Variants in ROBO2 observed in about 807,000 individuals in gnomAD.
The protein encoded by ROBO2 is roundabout homolog 2.
Under a neutral mutation model 160.8 loss-of-function variants are expected in ROBO2, and 53 were observed. That is an observed-to-expected ratio of 0.33 (90% confidence interval 0.26 to 0.41). ROBO2 has a LOEUF of 0.41. Among genes scored for constraint, ROBO2 ranks in the 10% least tolerant of loss-of-function variants. The probability of loss-of-function intolerance (pLI) is 1.00; values close to 1 mark genes in which losing one functional copy is unlikely to be tolerated. For synonymous variants in ROBO2, 664 were observed against 611.7 expected (o/e 1.09, Z -1.26); for missense variants, 1,577 against 1,722.4 (o/e 0.92, Z 1.49).
chr3:76,387,688 C>T (rs765659480), intron 2 of ROBO2, among the ~76,000 whole-genome samples: 1 of 152,038 alleles, frequency 6.6e-6, no homozygotes. Context: ...AAAAATTAAG[C>T]AACTTGTTTA....
chr3:76,495,137 A>G (rs1217040424), intron 2 of ROBO2, among the ~76,000 whole-genome samples: 1 of 152,054 alleles, frequency 6.6e-6, no homozygotes, highest in Non-Finnish European at 1.5e-5. Flanking sequence ...AGACAAATAT[A>G]GCCTATGGAA....
At chr3:76,363,439 T>G (rs1178042038) in intron 2 of ROBO2, among the ~76,000 whole-genome samples, 1 of 152,114 alleles carries the variant, frequency 6.6e-6, no homozygotes, top group Non-Finnish European at 1.5e-5. Context: ...TTTATTCTCT[T>G]ATCTAAAGGA....
chr3:76,505,362 C>T (rs909426631), intron 2 of ROBO2, among the ~76,000 whole-genome samples: 1 of 102,744 alleles, frequency 9.7e-6, no homozygotes, highest in Admixed American at 1.1e-4. Context: ...AAAGATAGTT[C>T]AGCATTTAAA....
chr3:76,147,064 A>G (rs530482811), intron 2 of ROBO2, among the ~76,000 whole-genome samples: 62 of 151,582 alleles, frequency 4.1e-4, no homozygotes, highest in African/African-American at 1.4e-3. Flanking sequence ...GCAAACCCCA[A>G]TGACATAAGT....
intron 2 of ROBO2, among the ~76,000 whole-genome samples, chr3:77,330,930 G>A (rs2065907073): frequency 6.6e-6 from 1 of 152,078 alleles, no homozygotes; most frequent in African/African-American, 2.4e-5. Context: ...CTCAGTATTT[G>A]ATTGACTTGA....
At chr3:77,115,121 A>G (rs2074070009) in intron 2 of ROBO2, among the ~76,000 whole-genome samples, 1 of 152,170 alleles carries the variant, frequency 6.6e-6, no homozygotes, top group Non-Finnish European at 1.5e-5. Flanking sequence ...AGAAATAAAC[A>G]CCACTTCTTC....
At chr3:77,546,920 C>A (rs1346774298) in intron 7 of ROBO2, among the ~76,000 whole-genome samples, 1 of 152,102 alleles carries the variant, frequency 6.6e-6, no homozygotes, top group Non-Finnish European at 1.5e-5. Flanking sequence ...GCATAAATGA[C>A]TTTTCTTACC....
intron 11 of ROBO2, among the ~76,000 whole-genome samples, chr3:77,564,016 A>G (rs2093410601): frequency 6.6e-6 from 1 of 152,090 alleles, no homozygotes; most frequent in Non-Finnish European, 1.5e-5. Flanking sequence ...TCCCTTTCAA[A>G]TGTGCTTCTA....
At chr3:76,150,696 G>T (rs1433355252) in intron 2 of ROBO2, among the ~76,000 whole-genome samples, 4 of 152,198 alleles carry the variant, frequency 2.6e-5, no homozygotes, top group African/African-American at 9.6e-5. Flanking sequence ...CTGACCAGAT[G>T]CTAAAATACC....
At chr3:77,218,031 A>G (rs1159432779) in intron 2 of ROBO2, among the ~76,000 whole-genome samples, 1 of 152,202 alleles carries the variant, frequency 6.6e-6, no homozygotes. Context: ...TAAATCTCCA[A>G]AAAGAGATTT....
At chr3:76,992,115 A>C (rs1006438803) in intron 2 of ROBO2, among the ~76,000 whole-genome samples, 5 of 152,018 alleles carry the variant, frequency 3.3e-5, no homozygotes, top group African/African-American at 7.2e-5. Flanking sequence ...TAGTATAAGC[A>C]TAACACATTG....
At chr3:77,104,208 G>A (rs1320927779) in intron 2 of ROBO2, among the ~76,000 whole-genome samples, 1 of 152,064 alleles carries the variant, frequency 6.6e-6, no homozygotes, top group Admixed American at 6.5e-5. Flanking sequence ...TTAGAACTCA[G>A]TTCCCATTCC....
chr3:76,339,453 T>C (rs2074085003), intron 2 of ROBO2, among the ~76,000 whole-genome samples: 1 of 152,190 alleles, frequency 6.6e-6, no homozygotes, highest in Admixed American at 6.5e-5. Flanking sequence ...TTTCTAGATA[T>C]GTCACCTGTT....
chr3:77,486,139 C>T (rs1434190043), intron 4 of ROBO2, among the ~76,000 whole-genome samples: 1 of 152,186 alleles, frequency 6.6e-6, no homozygotes, highest in African/African-American at 2.4e-5. Context: ...GCATAGTATT[C>T]CATGGTGTAT....
intron 2 of ROBO2, among the ~76,000 whole-genome samples, chr3:77,143,552 C>G (rs1476858026): frequency 6.6e-6 from 1 of 152,082 alleles, no homozygotes; most frequent in Non-Finnish European, 1.5e-5. Context: ...TTTAAAGTGT[C>G]AGACATCACT....
chr3:75,923,858 T>C (rs1947168908), intron 1 of ROBO2, among the ~76,000 whole-genome samples: 1 of 152,202 alleles, frequency 6.6e-6, no homozygotes, highest in South Asian at 2.1e-4. Context: ...ATCTGGCCTT[T>C]TGTGGCATAA....
intron 2 of ROBO2, among the ~76,000 whole-genome samples, chr3:76,396,001 C>T (rs150912699): frequency 0.19 from 28,149 of 151,946 alleles, 3,062 homozygotes; most frequent in African/African-American, 0.3. Context: ...ATACCAAAGC[C>T]GGGCAGAGAC....
At chr3:76,277,072 G>A (rs1420818562) in intron 2 of ROBO2, among the ~76,000 whole-genome samples, 1 of 152,036 alleles carries the variant, frequency 6.6e-6, no homozygotes, top group Non-Finnish European at 1.5e-5. Flanking sequence ...AAGCAAAGCA[G>A]TCACTATCTC....
intron 2 of ROBO2, among the ~76,000 whole-genome samples, chr3:76,351,432 A>G (rs2074868098): frequency 6.6e-6 from 1 of 151,984 alleles, no homozygotes; most frequent in Non-Finnish European, 1.5e-5. Flanking sequence ...CAGAATCACT[A>G]GAGAAACTCT....
Sources: allele counts gnomAD v4.1 joint callset (sites outside exome capture counted in the v4.1 genomes callset), GRCh38; gene constraint gnomAD v4.1.1; transcripts MANE v1.5; gene names NCBI Gene and HGNC (gene_info 2026-07-23, HGNC 2026-07-21).